Variants in PITRM1 observed in about 807,000 individuals in gnomAD.
PITRM1 encodes pitrilysin metallopeptidase 1, also known as presequence protease, mitochondrial.
In PITRM1, 100 loss-of-function variants were observed where a neutral mutation model predicts 129.9. The observed-to-expected ratio is 0.77, with a 90% confidence interval of 0.65 to 0.91. The LOEUF is 0.91. Ranked by LOEUF, PITRM1 falls within the 40% of genes least tolerant of loss-of-function variation. The probability of loss-of-function intolerance (pLI) is 0.00; values close to 1 mark genes in which losing one functional copy is unlikely to be tolerated. For missense variants in PITRM1, 1,471 were observed against 1,318.3 expected, an observed-to-expected ratio of 1.12 and a Z score of -1.79; for synonymous variants, 591 against 508.8, an observed-to-expected ratio of 1.16 and a Z score of -2.17.
chr10:3,145,670 C>T lies in PITRM1; in HGVS notation c.2383G>A (p.Ala795Thr). The T allele has an allele frequency of 3.2e-6, 5 of 1,551,242 alleles. No homozygotes were observed. The highest frequency in any genetic ancestry group is 4.4e-6 in the Non-Finnish European group (5 of 1,147,080). Residue 795 changes from alanine (A) to threonine (T), a missense_variant, in exon 21 of 27, where the codon GCG (alanine) becomes ACG (threonine). Physicochemically the swap from Ala to Thr is moderately conservative, Grantham distance 58. Coordinates refer to ENST00000224949, the MANE Select transcript of PITRM1 (RefSeq NM_014889.4). Reference sequence around the variant, plus strand: ...ATGCTTCTAAGGAAGTCTTCGACCGCTTTTTCTGTCTGAGGCATCTGCTGA... The same window carrying T: ...ATGCTTCTAAGGAAGTCTTCGACCGTTTTTTCTGTCTGAGGCATCTGCTGA... ...TPQQMPQTEKAVEDFLRSIGR... is the reference protein window; with the variant it reads ...TPQQMPQTEKTVEDFLRSIGR...
intron 14 of PITRM1, among the ~76,000 whole-genome samples, 173 bp downstream of exon 14, chr10:3,155,418 C>T (rs115482530): frequency 0.015 from 2,292 of 152,312 alleles, 55 homozygotes; most frequent in African/African-American, 0.05. Context: ...CTGAGCTACA[C>T]GGGCGATTTT....
At chr10:3,165,654 G>C in intron 4 of PITRM1, 127 bp from the exon 5 acceptor site, 1 of 652,668 alleles carries the variant, frequency 1.5e-6, no homozygotes, top group Non-Finnish European at 2.7e-6. Context: ...TGGGGCAGTG[G>C]CCCCATGCTC....
At position 3,172,249 on chromosome 10, in the gene PITRM1, A is replaced by C. The variant is rs778104651; in HGVS notation, c.56+468T>G. The stretch of plus-strand genomic sequence containing the variant: ...CTGCTTCGTCATTTTTTTCCCCATA[A>C]ATTGAGTCATTAAAAAAACAAAACA... On this transcript the variant is annotated intron_variant, in intron 1 of 26. Transcript: ENST00000224949. 1.6e-4 allele frequency: 72 copies of C among 459,140 alleles called. 1 individual carries two copies. Among genetic ancestry groups the C allele is most frequent in the South Asian group, 1.1e-3 (70 of 64,604 alleles). The allele number at this position is 459,140 out of a possible 1,614,324, so 28.4% of individuals were successfully genotyped here. A position where few individuals can be genotyped will look rare whatever the true frequency, so the allele number is the denominator to read the frequency against.
At chr10:3,138,419 C>T (rs1839809455) in intron 25 of PITRM1, 82 bp from the exon 26 acceptor site, 7 of 884,942 alleles carry the variant, frequency 7.9e-6, no homozygotes, top group South Asian at 4.1e-5. Flanking sequence ...CCGGAGGGGA[C>T]ACAGGCATCT....
At chr10:3,141,336 C>T (rs939518696) in intron 23 of PITRM1, among the ~76,000 whole-genome samples, 1 of 152,224 alleles carries the variant, frequency 6.6e-6, no homozygotes, top group African/African-American at 2.4e-5. Flanking sequence ...ACACTTCCAG[C>T]ACCACACTGC....
chr10:3,156,920 A>G lies in PITRM1; in HGVS notation c.1482+10T>C. 6.6e-7 allele frequency: 1 copy of G among 1,519,650 alleles called. No homozygotes were observed. Among genetic ancestry groups the G allele is most frequent in the East Asian group, 2.5e-5 (1 of 40,784 alleles). The allele number at this position is 1,519,650 out of a possible 1,614,324, so 94.1% of individuals were successfully genotyped here. A position where few individuals can be genotyped will look rare whatever the true frequency, so the allele number is the denominator to read the frequency against. On this transcript the variant is annotated intron_variant, in intron 13 of 26. Transcript: ENST00000224949. ...CAAAATTAGAGAAATGAATTATCCAACTTTCTTACCTTAAAATACTGTTTT... is the reference window on the plus strand; with the variant it reads ...CAAAATTAGAGAAATGAATTATCCAGCTTTCTTACCTTAAAATACTGTTTT...
intron 7 of PITRM1, among the ~76,000 whole-genome samples, chr10:3,160,814 G>A (rs1270176641): frequency 6.6e-6 from 1 of 151,782 alleles, no homozygotes; most frequent in African/African-American, 2.4e-5. Context: ...AGGCTGGAGT[G>A]CAATGGCACA....
intron 17 of PITRM1, 44 bp downstream of exon 17, chr10:3,148,127 G>GA (rs1841102512): frequency 6.2e-7 from 1 of 1,613,886 alleles, no homozygotes; most frequent in Non-Finnish European, 8.5e-7. Context: ...AGACACTGGA[G>GA]AAAAGCTTCC....
At chr10:3,172,633 G>A (rs1037396381) in intron 1 of PITRM1, 84 bp downstream of exon 1, 55 of 1,260,062 alleles carry the variant, frequency 4.4e-5, no homozygotes, top group Admixed American at 1.1e-4. Flanking sequence ...GCGCAGGGAC[G>A]AGGACCCCTA....
rs562707164 is a variant in PITRM1, at chr10:3,151,908, GTTTATT to G, written c.1622-551_1622-546del. On this transcript the variant is annotated intron_variant, in intron 14 of 26. Coordinates refer to ENST00000224949, the MANE Select transcript of PITRM1 (RefSeq NM_014889.4). Reference sequence around the variant, plus strand: ...AGACCACCATACCTGGCTGATTTCTGTTTATTTTTATTTTTTTTTTGTAGAGACGAG... The same window carrying G: ...AGACCACCATACCTGGCTGATTTCTGTTTATTTTTTTTTTGTAGAGACGAG... Among the ~76,000 whole-genome samples the G allele has an allele frequency of 5.1e-3, 772 of 151,876 alleles. 7 individuals carry two copies. Among genetic ancestry groups the G allele is most frequent in the Middle Eastern group, 0.01 (3 of 294 alleles).
In PITRM1 at chr10:3,147,688, C is replaced by T. The variant is rs906337951; in HGVS notation, c.2119G>A (p.Ala707Thr). ...EHFKVLVKMT[A>T]QELANGIPDS... ...GGAATTCCATTGGCGAGCTCCTGGG[C>T]GGTCATCTTCACCAGCACCTTGAAG... The change falls in exon 19 of 27, where the codon GCC (alanine) becomes ACC (threonine). Residue 707 changes from alanine (A) to threonine (T), a missense_variant. Ala to Thr is a moderately conservative substitution (Grantham distance 58). Coordinates refer to ENST00000224949, the MANE Select transcript of PITRM1 (RefSeq NM_014889.4). The T allele has an allele frequency of 9.9e-6, 16 of 1,612,708 alleles. No individual in the cohort carries two copies. The highest frequency in any genetic ancestry group is 6.7e-5 in the African/African-American group (5 of 75,002).
At chr10:3,171,323 A>C (rs1843335989) in intron 1 of PITRM1, among the ~76,000 whole-genome samples, 1 of 105,888 alleles carries the variant, frequency 9.4e-6, no homozygotes, top group Non-Finnish European at 1.8e-5. Flanking sequence ...AGAACGCATA[A>C]AAATGGTAAA....
At position 3,165,179 on chromosome 10, in the gene PITRM1, A is replaced by G; in HGVS notation, c.630+59T>C. 2.6e-6 allele frequency: 3 copies of G among 1,154,900 alleles called. No homozygotes were observed. In the South Asian group the frequency reaches 4.4e-5, roughly 17 times the overall value. The allele number at this position is 1,154,900 out of a possible 1,614,324, so 71.5% of individuals were successfully genotyped here. On this transcript the variant is annotated intron_variant, in intron 6 of 26. Coordinates refer to ENST00000224949, the MANE Select transcript of PITRM1 (RefSeq NM_014889.4). ...AAAATCTTCCAGATGTGTCTATATCATGATATTGTACATGGGAAAGGTAAG... is the reference window on the plus strand; with the variant it reads ...AAAATCTTCCAGATGTGTCTATATCGTGATATTGTACATGGGAAAGGTAAG...
chr10:3,145,649 T>G lies in PITRM1; in HGVS notation c.2404A>C (p.Ser802Arg), dbSNP rs1237137461. ...TEKAVEDFLRSIGRSKKERRP... is the reference protein window; with the variant it reads ...TEKAVEDFLRRIGRSKKERRP... Reference sequence around the variant, plus strand: ...CGTTCCTTTTTACTCCGACCGATGCTTCTAAGGAAGTCTTCGACCGCTTTT... The same window carrying G: ...CGTTCCTTTTTACTCCGACCGATGCGTCTAAGGAAGTCTTCGACCGCTTTT... Residue 802 changes from serine to arginine, a missense_variant, in exon 21 of 27, where the codon AGC (serine) becomes CGC (arginine). Physicochemically the swap from Ser to Arg is moderately radical, Grantham distance 110 (BLOSUM62 -1). Coordinates refer to ENST00000224949, the MANE Select transcript of PITRM1 (RefSeq NM_014889.4). 1.9e-6 allele frequency: 3 copies of G among 1,550,508 alleles called. No individual in the cohort carries two copies. The highest frequency in any genetic ancestry group is 2.6e-6 in the Non-Finnish European group (3 of 1,147,052).
intron 25 of PITRM1, 158 bp from the exon 26 acceptor site, chr10:3,138,495 G>T: frequency 1.5e-6 from 1 of 651,806 alleles, no homozygotes; most frequent in South Asian, 1.8e-5. Flanking sequence ...ATCACACCCC[G>T]ACCTCCAGCT....
intron 7 of PITRM1, 45 bp from the exon 8 acceptor site, chr10:3,160,375 A>C: frequency 6.7e-7 from 1 of 1,498,438 alleles, no homozygotes; most frequent in Non-Finnish European, 9.3e-7. Flanking sequence ...AGTTTAAAAG[A>C]TGTGAGATCA....
chr10:3,151,862 C>A (rs150177190), intron 14 of PITRM1, among the ~76,000 whole-genome samples: 31 of 152,216 alleles, frequency 2.0e-4, no homozygotes, highest in African/African-American at 6.7e-4. Context: ...TAGCCTCCTA[C>A]GTGGCTGGGA....
In PITRM1 at chr10:3,172,649, C is replaced by G. The variant is rs1410032819; in HGVS notation, c.56+68G>C. The G allele has an allele frequency of 5.6e-6, 8 of 1,419,104 alleles. No individual in the cohort carries two copies. The Admixed American group carries it at 7.3e-5, about 13-fold the overall frequency. The allele number at this position is 1,419,104 out of a possible 1,614,324, so 87.9% of individuals were successfully genotyped here. ...CGCAGGGACGAGGACCCCTACGCCT[C>G]CGGCCTGCCCTGGACCCTCCCCTCC... On this transcript the variant is annotated intron_variant, in intron 1 of 26. Coordinates refer to ENST00000224949, the MANE Select transcript of PITRM1 (RefSeq NM_014889.4).
At position 3,164,782 on chromosome 10, in the gene PITRM1, A is replaced by G. The variant is rs1842725811; in HGVS notation, c.630+456T>C. Among the ~76,000 whole-genome samples, 5 of 152,354 alleles carry G rather than the reference A, an allele frequency of 3.3e-5. No homozygotes were observed. The South Asian group carries it at 1.0e-3, about 32-fold the overall frequency. ...TTTTGAAAAATACTTCTCATAACAAAGTAAAAAACTGATTAGAGTGGTGCT... is the reference window on the plus strand; with the variant it reads ...TTTTGAAAAATACTTCTCATAACAAGGTAAAAAACTGATTAGAGTGGTGCT... On this transcript the variant is annotated intron_variant, in intron 6 of 26. Coordinates refer to ENST00000224949, the MANE Select transcript of PITRM1 (RefSeq NM_014889.4).
Sources: allele counts gnomAD v4.1 joint callset (sites outside exome capture counted in the v4.1 genomes callset), GRCh38; gene constraint gnomAD v4.1.1; transcripts MANE v1.5; gene names NCBI Gene and HGNC (gene_info 2026-07-23, HGNC 2026-07-21).